Variants in SETBP1 observed in about 807,000 individuals in gnomAD.
SETBP1 encodes the protein SET-binding protein.
Under a neutral mutation model 101.0 loss-of-function variants are expected in SETBP1, and 9 were observed. That is an observed-to-expected ratio of 0.09 (90% CI 0.05 to 0.16). The LOEUF (loss-of-function observed/expected upper bound fraction) is 0.16, where lower values mean the gene tolerates loss of function less well. Among genes scored for constraint, SETBP1 ranks in the 10% least tolerant of loss-of-function variants. The probability of loss-of-function intolerance (pLI) is 1.00; values close to 1 mark genes in which losing one functional copy is unlikely to be tolerated. For missense variants in SETBP1, 1,858 were observed against 2,033.8 expected, an observed-to-expected ratio of 0.91 and a Z score of 1.66; for synonymous variants, 818 against 788.5, an observed-to-expected ratio of 1.04 and a Z score of -0.63.
chr18:44,981,102 C>T (rs867881882), intron 4 of SETBP1, among the ~76,000 whole-genome samples: 1 of 152,160 alleles, frequency 6.6e-6, no homozygotes, highest in Admixed American at 6.5e-5. Flanking sequence ...AGCAGGAGAA[C>T]AATAATCTAT....
At chr18:44,761,921 C>G (rs546561956) in intron 2 of SETBP1, among the ~76,000 whole-genome samples, 1 of 152,296 alleles carries the variant, frequency 6.6e-6, no homozygotes, top group East Asian at 1.9e-4. Context: ...CCTTCTGACT[C>G]CTGCTCCAGT....
At chr18:44,962,607 G>C (rs891686670) in intron 4 of SETBP1, among the ~76,000 whole-genome samples, 3 of 152,080 alleles carry the variant, frequency 2.0e-5, no homozygotes, top group Non-Finnish European at 4.4e-5. Flanking sequence ...TTAATGACTA[G>C]AAATCAAAAC....
chr18:44,963,073 G>A (rs1050952153), intron 4 of SETBP1, among the ~76,000 whole-genome samples: 10 of 152,240 alleles, frequency 6.6e-5, no homozygotes, highest in African/African-American at 1.7e-4. Flanking sequence ...AAAACCCAAC[G>A]TGACCAAGCC....
chr18:44,681,642 A>G (rs1342889413), intron 1 of SETBP1, among the ~76,000 whole-genome samples: 3 of 150,596 alleles, frequency 2.0e-5, no homozygotes, highest in African/African-American at 7.3e-5. Flanking sequence ...AAGTTGTGCA[A>G]TTGGAAATAG....
chr18:44,950,820 G>C lies in SETBP1; in HGVS notation c.1480G>C (p.Val494Leu), dbSNP rs756327147. The change falls in exon 4 of 6, where the codon GTG becomes CTG. Residue 494 changes from valine (V) to leucine (L), a missense_variant. Around this residue, in one of 12 missense-constraint regions of SETBP1, gnomAD observed 581 missense variants for 535.1 expected, o/e 1.09. Coordinates refer to ENST00000649279, the MANE Select transcript of SETBP1 (RefSeq NM_015559.3). ...TGCTGAGAAAGTTATCCCAGGAGGT[G>C]TGTCTAAGCCGCGGAAGCCACCCAT... The part of the protein sequence containing the change: ...GNAEKVIPGG[V>L]SKPRKPPMVM... 95 of 1,614,022 alleles carry C rather than the reference G, an allele frequency of 5.9e-5. No individual in the cohort carries two copies. The highest frequency in any genetic ancestry group is 1.5e-4 in the Admixed American group (9 of 59,996).
intron 2 of SETBP1, among the ~76,000 whole-genome samples, chr18:44,822,433 G>T (rs1301171569): frequency 6.6e-6 from 1 of 152,144 alleles, no homozygotes; most frequent in African/African-American, 2.4e-5. Flanking sequence ...ATTGATAGTT[G>T]ACATTTAACC....
intron 1 of SETBP1, among the ~76,000 whole-genome samples, chr18:44,688,814 T>C (rs2068881029): frequency 6.6e-6 from 1 of 152,248 alleles, no homozygotes. Context: ...TGATTTGATG[T>C]GAAATCTCTG....
intron 4 of SETBP1, among the ~76,000 whole-genome samples, chr18:45,008,647 C>T (rs915579131): frequency 3.3e-5 from 5 of 152,206 alleles, no homozygotes; most frequent in Admixed American, 3.3e-4. Flanking sequence ...TCAATGTCCT[C>T]TTCAGAGAAA....
intron 1 of SETBP1, among the ~76,000 whole-genome samples, chr18:44,692,973 A>G (rs1468975550): frequency 1.3e-5 from 2 of 152,208 alleles, no homozygotes; most frequent in East Asian, 3.8e-4. Flanking sequence ...ACACAAGTGC[A>G]GAGTATAAAA....
intron 2 of SETBP1, among the ~76,000 whole-genome samples, chr18:44,840,289 C>G (rs949265274): frequency 6.6e-6 from 1 of 152,208 alleles, no homozygotes; most frequent in African/African-American, 2.4e-5. Context: ...AATGAGCCAG[C>G]ATGCCTTTTG....
intron 2 of SETBP1, among the ~76,000 whole-genome samples, chr18:44,803,488 A>T (rs2071654131): frequency 6.6e-6 from 1 of 152,104 alleles, no homozygotes. Context: ...TCTTAGACTG[A>T]GTCTCCCAGA....
chr18:44,891,844 G>T (rs1352374982), intron 3 of SETBP1, among the ~76,000 whole-genome samples: 1 of 152,064 alleles, frequency 6.6e-6, no homozygotes, highest in Admixed American at 6.6e-5. Flanking sequence ...GTCTTTCACA[G>T]AGATTTTTGT....
At position 44,799,217 on chromosome 18, in the gene SETBP1, G is replaced by A. The variant is rs149426221; in HGVS notation, c.487-70013G>A. Among the ~76,000 whole-genome samples the A allele has an allele frequency of 5.8e-3, 888 of 152,224 alleles. 11 individuals are homozygous for A. The highest frequency in any genetic ancestry group is 0.02 in the African/African-American group (841 of 41,530). ...AAATGGCTGTGTGTTCCCCATAATA[G>A]CTTTAATAGACAGGTGAGAACCTTT... On this transcript the variant is annotated intron_variant, in intron 2 of 5. Coordinates refer to ENST00000649279, the MANE Select transcript of SETBP1 (RefSeq NM_015559.3).
chr18:45,049,232 A>C (rs149878180), intron 5 of SETBP1, among the ~76,000 whole-genome samples: 3 of 152,300 alleles, frequency 2.0e-5, no homozygotes, highest in Non-Finnish European at 2.9e-5. Flanking sequence ...TCTAAAGATA[A>C]ACTGAATTAG....
At chr18:44,801,001 A>G (rs979990338) in intron 2 of SETBP1, among the ~76,000 whole-genome samples, 12 of 152,158 alleles carry the variant, frequency 7.9e-5, no homozygotes, top group African/African-American at 2.9e-4. Context: ...TGAAGCTGCA[A>G]ACCATCATTC....
chr18:44,964,719 T>G (rs1175171828), intron 4 of SETBP1, among the ~76,000 whole-genome samples: 1 of 152,112 alleles, frequency 6.6e-6, no homozygotes. Flanking sequence ...CAGCTGATGG[T>G]AAGCACTCAC....
chr18:44,788,454 A>G (rs1395351350), intron 2 of SETBP1, among the ~76,000 whole-genome samples: 3 of 152,164 alleles, frequency 2.0e-5, no homozygotes, highest in Admixed American at 6.5e-5. Flanking sequence ...TTTTATCTTG[A>G]TGGGGACCCT....
At chr18:44,710,334 G>A (rs1039808131) in intron 2 of SETBP1, among the ~76,000 whole-genome samples, 3 of 152,084 alleles carry the variant, frequency 2.0e-5, no homozygotes, top group African/African-American at 7.2e-5. Context: ...GCTAAGGATA[G>A]TCAAGGTGGA....
chr18:44,942,707 A>G (rs2071114209), intron 3 of SETBP1, among the ~76,000 whole-genome samples: 1 of 152,154 alleles, frequency 6.6e-6, no homozygotes, highest in African/African-American at 2.4e-5. Flanking sequence ...ATTTATCTCC[A>G]TGGAAAGGTT....
Sources: gnomAD v4.1 joint callset for allele counts (sites outside exome capture counted in the v4.1 genomes callset) on GRCh38, gnomAD v4.1.1 for gene constraint, gnomAD v4.1.1 regional missense constraint, MANE v1.5 for transcripts, NCBI Gene and HGNC (gene_info 2026-07-23, HGNC 2026-07-21) for gene names.